The following EFNA5 variants were observed in gnomAD, a reference collection of about 807,000 sequenced individuals.
EFNA5 encodes ephrin A5, also known as ephrin-A5.
Under a neutral mutation model 22.9 loss-of-function variants are expected in EFNA5, and 5 were observed. The ratio of observed to expected loss-of-function variants is 0.22; its 90% CI spans 0.11 to 0.46. EFNA5 has a LOEUF of 0.46. Among genes scored for constraint, EFNA5 ranks in the 20% least tolerant of loss-of-function variants. The pLI, the probability that EFNA5 is intolerant of heterozygous loss-of-function variation, is 0.99. For synonymous variants in EFNA5, 113 were observed against 112.2 expected (o/e 1.01, Z -0.04); for missense variants, 237 against 293.3 (o/e 0.81, Z 1.40).
At chr5:107,647,133 T>C (rs953194918) in intron 1 of EFNA5, among the ~76,000 whole-genome samples, 3 of 152,144 alleles carry the variant, frequency 2.0e-5, no homozygotes, top group East Asian at 1.9e-4. Flanking sequence ...GATAAGATTA[T>C]GTAAAATGCA....
At chr5:107,667,797 A>G (rs1225643134) in intron 1 of EFNA5, among the ~76,000 whole-genome samples, 1 of 152,222 alleles carries the variant, frequency 6.6e-6, no homozygotes, top group African/African-American at 2.4e-5. Context: ...GACACAAAGC[A>G]TGGCTAGCTT....
chr5:107,579,665 A>G (rs1749001886), intron 1 of EFNA5, among the ~76,000 whole-genome samples: 1 of 152,206 alleles, frequency 6.6e-6, no homozygotes, highest in Admixed American at 6.5e-5. Flanking sequence ...AGAAATGAGC[A>G]ACATGACTTG....
chr5:107,439,332 CTG>C (rs1749196388), intron 1 of EFNA5, among the ~76,000 whole-genome samples: 1 of 152,082 alleles, frequency 6.6e-6, no homozygotes, highest in Non-Finnish European at 1.5e-5. Flanking sequence ...GCCTCCAAAA[CTG>C]TGAGAAAATA....
intron 1 of EFNA5, among the ~76,000 whole-genome samples, chr5:107,635,666 A>G (rs1750358801): frequency 6.6e-6 from 1 of 152,226 alleles, no homozygotes; most frequent in African/African-American, 2.4e-5. Flanking sequence ...TTTAAGAGAA[A>G]TGGTAATTAT....
intron 1 of EFNA5, among the ~76,000 whole-genome samples, chr5:107,627,056 C>T (rs1168347933): frequency 6.6e-6 from 1 of 152,138 alleles, no homozygotes; most frequent in African/African-American, 2.4e-5. Flanking sequence ...TTAAGGGTTG[C>T]TTTCTATTAA....
In EFNA5 at chr5:107,455,424, A is replaced by G. The variant is rs541382661; in HGVS notation, c.126-27915T>C. Among the ~76,000 whole-genome samples the G allele has an allele frequency of 1.1e-4, 17 of 152,310 alleles. No homozygotes were observed. In the South Asian group the frequency reaches 3.5e-3, roughly 32 times the overall value. ...ATTAGTGAGATAGAAAAAAATGCAC[A>G]TTAAACACCTCCATGCTTTAGCCTC... On this transcript the variant is annotated intron_variant, in intron 1 of 4. Transcript: ENST00000333274.
intron 2 of EFNA5, among the ~76,000 whole-genome samples, chr5:107,408,509 C>G (rs952484040): frequency 6.6e-6 from 1 of 152,138 alleles, no homozygotes; most frequent in Non-Finnish European, 1.5e-5. Flanking sequence ...TCCTAATTTT[C>G]TTATGTCATG....
intron 4 of EFNA5, among the ~76,000 whole-genome samples, chr5:107,385,432 A>G (rs1448597148): frequency 6.6e-6 from 1 of 152,200 alleles, no homozygotes; most frequent in Non-Finnish European, 1.5e-5. Flanking sequence ...ATTCTGCACA[A>G]TGTGTATCAA....
chr5:107,670,159 G>A (rs1751159931), intron 1 of EFNA5, among the ~76,000 whole-genome samples: 1 of 152,032 alleles, frequency 6.6e-6, no homozygotes, highest in Non-Finnish European at 1.5e-5. Flanking sequence ...GCCGGGAACC[G>A]GATGCCAGCC....
chr5:107,548,456 A>C (rs115117596), intron 1 of EFNA5, among the ~76,000 whole-genome samples: 3,090 of 152,306 alleles, frequency 0.02, 124 homozygotes, highest in African/African-American at 0.07. Context: ...AATAACTAAA[A>C]ATAAAGGAAT....
intron 1 of EFNA5, among the ~76,000 whole-genome samples, chr5:107,452,001 A>G (rs1009880808): frequency 2.6e-5 from 4 of 152,222 alleles, no homozygotes; most frequent in Admixed American, 1.3e-4. Context: ...TAGACAGGAT[A>G]AAGAAAATGT....
chr5:107,550,178 G>C (rs1183455085), intron 1 of EFNA5, among the ~76,000 whole-genome samples: 1 of 152,102 alleles, frequency 6.6e-6, no homozygotes, highest in African/African-American at 2.4e-5. Context: ...ATTTCTGATG[G>C]GTACACAAAA....
Position 107,378,300 on chromosome 5 carries a change from T to C in EFNA5, c.*2955A>G, listed in dbSNP as rs776402099. ...AACTGTTACCTGGTCTATTAAAGGA[T>C]ACACGGTATCCACTAAACAGACAGA... On this transcript the variant is annotated 3_prime_UTR_variant, in exon 5 of 5. Transcript: ENST00000333274. 2.0e-5 allele frequency: 3 copies of C among 151,918 alleles called. No homozygotes were observed. Among genetic ancestry groups the C allele is most frequent in the Non-Finnish European group, 4.4e-5 (3 of 68,006 alleles). The allele number at this position is 151,918 out of a possible 1,614,324, so 9.4% of individuals were successfully genotyped here.
intron 1 of EFNA5, among the ~76,000 whole-genome samples, chr5:107,592,015 AATATAATATATAT>A (rs1561443252): frequency 5.3e-4 from 20 of 38,006 alleles, no homozygotes; most frequent in African/African-American, 2.8e-3. Flanking sequence ...TAATATATAT[AATATAATATATAT>A]TATATATTAT....
At chr5:107,456,478 G>A (rs528238414) in intron 1 of EFNA5, among the ~76,000 whole-genome samples, 15 of 152,220 alleles carry the variant, frequency 9.9e-5, no homozygotes, top group African/African-American at 3.4e-4. Flanking sequence ...CATCTATCTA[G>A]GTAAAGGTGT....
At chr5:107,662,829 C>T (rs1750991547) in intron 1 of EFNA5, among the ~76,000 whole-genome samples, 1 of 138,670 alleles carries the variant, frequency 7.2e-6, no homozygotes, top group East Asian at 2.1e-4. Flanking sequence ...ATAAAAAGAA[C>T]TACTTAGCAT....
chr5:107,648,311 G>C (rs1279383906), intron 1 of EFNA5, among the ~76,000 whole-genome samples: 2 of 152,108 alleles, frequency 1.3e-5, no homozygotes, highest in Non-Finnish European at 2.9e-5. Flanking sequence ...CAATAAAAGG[G>C]TGTGACAATG....
chr5:107,575,181 G>A (rs1748901713), intron 1 of EFNA5, among the ~76,000 whole-genome samples: 1 of 152,214 alleles, frequency 6.6e-6, no homozygotes, highest in Admixed American at 6.5e-5. Context: ...GATCCAAGAG[G>A]TGAAAAGCAG....
intron 1 of EFNA5, among the ~76,000 whole-genome samples, chr5:107,567,494 T>C (rs1251102138): frequency 1.3e-5 from 2 of 152,208 alleles, no homozygotes; most frequent in Admixed American, 6.5e-5. Context: ...AAGTCATTTA[T>C]GTACTCTGGA....
Sources: gnomAD v4.1 joint callset for allele counts (sites outside exome capture counted in the v4.1 genomes callset) on GRCh38, gnomAD v4.1.1 for gene constraint, MANE v1.5 for transcripts, NCBI Gene and HGNC (gene_info 2026-07-23, HGNC 2026-07-21) for gene names.